The following PLCH1 variants were observed in gnomAD, a reference collection of about 807,000 sequenced individuals.
The protein encoded by PLCH1 is 1-phosphatidylinositol 4,5-bisphosphate phosphodiesterase eta-1.
Under a neutral mutation model 126.7 loss-of-function variants are expected in PLCH1, and 60 were observed. That is an observed-to-expected ratio of 0.47 (90% CI 0.38 to 0.59). The LOEUF is 0.59. Among genes scored for constraint, PLCH1 ranks in the 20% least tolerant of loss-of-function variants. PLCH1 has a pLI of 0.00. For missense variants in PLCH1, 1,723 were observed against 2,040.0 expected (o/e 0.84, Z 2.99); for synonymous variants, 719 against 734.9 (o/e 0.98, Z 0.35).
At chr3:155,638,455 T>C (rs1459692159) in intron 2 of PLCH1, among the ~76,000 whole-genome samples, 1 of 152,252 alleles carries the variant, frequency 6.6e-6, no homozygotes, top group Admixed American at 6.5e-5. Context: ...TGCTTTCTTT[T>C]AGACTCTGCT....
chr3:155,540,713 A>C (rs776852716), intron 10 of PLCH1, among the ~76,000 whole-genome samples: 2 of 152,228 alleles, frequency 1.3e-5, no homozygotes, highest in Non-Finnish European at 2.9e-5. Context: ...CTCCTGCAAG[A>C]ATGGCCATAA....
chr3:155,523,137 G>T (rs962809294), intron 11 of PLCH1, among the ~76,000 whole-genome samples: 1 of 151,990 alleles, frequency 6.6e-6, no homozygotes, highest in African/African-American at 2.4e-5. Flanking sequence ...ACCACGCCCG[G>T]CTAATTTTTT....
intron 10 of PLCH1, among the ~76,000 whole-genome samples, chr3:155,549,309 T>A (rs1318051597): frequency 1.3e-5 from 2 of 152,228 alleles, no homozygotes; most frequent in Non-Finnish European, 2.9e-5. Context: ...CCTGTGTTCC[T>A]CTTTGAAGTG....
At chr3:155,651,848 C>A (rs750036714) in intron 2 of PLCH1, among the ~76,000 whole-genome samples, 7 of 152,134 alleles carry the variant, frequency 4.6e-5, no homozygotes, top group Non-Finnish European at 7.4e-5. Flanking sequence ...TAAAATCAGT[C>A]CTCAGAGACA....
At chr3:155,475,247 T>C (rs544700993), downstream of PLCH1, among the ~76,000 whole-genome samples, 11 of 152,024 alleles carry the variant, frequency 7.2e-5, no homozygotes, top group South Asian at 1.2e-3. Flanking sequence ...GAAGAAAATT[T>C]TAAAATTTCT....
At chr3:155,489,965 G>A (rs991728979) in intron 19 of PLCH1, among the ~76,000 whole-genome samples, 5 of 152,030 alleles carry the variant, frequency 3.3e-5, no homozygotes, top group Non-Finnish European at 5.9e-5. Context: ...TTATTTCTGA[G>A]ACTAAAAAAA....
At chr3:155,570,742 C>G (rs1729091514) in intron 6 of PLCH1, among the ~76,000 whole-genome samples, 1 of 152,192 alleles carries the variant, frequency 6.6e-6, no homozygotes, top group South Asian at 2.1e-4. Flanking sequence ...ACCTTCTTGA[C>G]TTCAAGTCCA....
chr3:155,682,624 A>G (rs1744625841), intron 2 of PLCH1, among the ~76,000 whole-genome samples: 1 of 152,210 alleles, frequency 6.6e-6, no homozygotes, highest in Admixed American at 6.5e-5. Flanking sequence ...TGCATTTGCA[A>G]AAGAGGAAGC....
downstream of PLCH1, among the ~76,000 whole-genome samples, chr3:155,475,655 C>T (rs368265341): frequency 6.6e-4 from 101 of 151,984 alleles, 1 homozygote; most frequent in African/African-American, 2.2e-3. Flanking sequence ...TGCAGCAATT[C>T]GAAGGACCAT....
intron 6 of PLCH1, among the ~76,000 whole-genome samples, chr3:155,578,107 A>G (rs915434651): frequency 6.6e-6 from 1 of 152,208 alleles, no homozygotes; most frequent in Non-Finnish European, 1.5e-5. Flanking sequence ...CCAGTACACT[A>G]TGAGAGTTCT....
intron 10 of PLCH1, among the ~76,000 whole-genome samples, chr3:155,541,895 G>A (rs1444520817): frequency 1.3e-5 from 2 of 152,154 alleles, no homozygotes; most frequent in African/African-American, 2.4e-5. Context: ...AACTTTGCTG[G>A]TGGGGGAGCC....
intron 10 of PLCH1, among the ~76,000 whole-genome samples, chr3:155,533,102 C>G (rs1477508809): frequency 6.6e-6 from 1 of 152,216 alleles, no homozygotes; most frequent in East Asian, 1.9e-4. Flanking sequence ...TCTTGCTATG[C>G]TTTAGCAAAG....
intron 2 of PLCH1, among the ~76,000 whole-genome samples, chr3:155,671,574 T>C (rs1743458896): frequency 3.9e-5 from 6 of 152,154 alleles, no homozygotes; most frequent in Admixed American, 1.3e-4. Flanking sequence ...AAAATAATTA[T>C]ACTAAGAGAA....
intron 8 of PLCH1, among the ~76,000 whole-genome samples, chr3:155,557,463 T>C (rs1464336352): frequency 6.6e-6 from 1 of 152,180 alleles, no homozygotes; most frequent in Non-Finnish European, 1.5e-5. Flanking sequence ...TTGGCTAGTA[T>C]TTACAACATA....
chr3:155,686,416 A>G (rs769658552), intron 2 of PLCH1, among the ~76,000 whole-genome samples: 1 of 152,254 alleles, frequency 6.6e-6, no homozygotes, highest in African/African-American at 2.4e-5. Flanking sequence ...ATAAGGACCC[A>G]TGGAAGGGAC....
intron 2 of PLCH1, among the ~76,000 whole-genome samples, chr3:155,633,746 C>A (rs1449635291): frequency 1.3e-5 from 2 of 152,138 alleles, no homozygotes; most frequent in Non-Finnish European, 2.9e-5. Context: ...ACATGGCCAA[C>A]CCCATCTCTA....
chr3:155,600,796 C>T (rs1183586104), intron 2 of PLCH1, among the ~76,000 whole-genome samples: 1 of 152,140 alleles, frequency 6.6e-6, no homozygotes, highest in African/African-American at 2.4e-5. Flanking sequence ...TAACAGCTTT[C>T]CATGTTTCTA....
chr3:155,696,754 C>CA (rs1745843057), intron 2 of PLCH1, among the ~76,000 whole-genome samples: 1 of 152,066 alleles, frequency 6.6e-6, no homozygotes, highest in South Asian at 2.1e-4. Flanking sequence ...TTCCAATTGC[C>CA]AATTAGAAAA....
chr3:155,625,869 C>G (rs1226346315), intron 2 of PLCH1, among the ~76,000 whole-genome samples: 1 of 152,144 alleles, frequency 6.6e-6, no homozygotes, highest in African/African-American at 2.4e-5. Context: ...CCCAGCAATT[C>G]CATTACTGGG....
Sources: gnomAD v4.1 joint callset for allele counts (sites outside exome capture counted in the v4.1 genomes callset) on GRCh38, gnomAD v4.1.1 for gene constraint, MANE v1.5 for transcripts, NCBI Gene and HGNC (gene_info 2026-07-23, HGNC 2026-07-21) for gene names.